LDB2: variants seen among roughly 807,000 people sequenced by gnomAD.
LDB2 encodes the protein LIM domain binding 2.
A neutral mutation model predicts 44.3 loss-of-function variants in LDB2; 12 were observed. That is an observed-to-expected ratio of 0.27 (90% confidence interval 0.17 to 0.44). The LOEUF (loss-of-function observed/expected upper bound fraction) is 0.44. LDB2 is among the 20% of genes least tolerant of loss of function. The pLI is 1.00. For missense variants in LDB2, 344 were observed against 473.5 expected, an observed-to-expected ratio of 0.73 and a Z score of 2.54; for synonymous variants, 164 against 174.8, an observed-to-expected ratio of 0.94 and a Z score of 0.49.
chr4:16,638,419 A>C (rs775797590), intron 2 of LDB2, among the ~76,000 whole-genome samples: 2 of 152,174 alleles, frequency 1.3e-5, no homozygotes, highest in African/African-American at 4.8e-5. Context: ...TGAACGTACG[A>C]ATAGAGCTTA....
At chr4:16,659,932 CA>C (rs1394512635) in intron 2 of LDB2, among the ~76,000 whole-genome samples, 2 of 151,950 alleles carry the variant, frequency 1.3e-5, no homozygotes, top group Non-Finnish European at 2.9e-5. Context: ...AGAGTGCTAC[CA>C]AAACACAATT....
intron 2 of LDB2, among the ~76,000 whole-genome samples, chr4:16,753,584 G>C (rs1202349366): frequency 6.6e-6 from 1 of 152,184 alleles, no homozygotes; most frequent in Non-Finnish European, 1.5e-5. Context: ...CTGAGGAAAA[G>C]AAAAGCACAG....
rs561713945 is a variant in LDB2 at position 16,749,092 on chromosome 4, C to A, written c.235+10066G>T. Among the ~76,000 whole-genome samples the A allele has an allele frequency of 6.6e-5, 10 of 152,252 alleles. No homozygotes were observed. The East Asian group carries it at 1.2e-3, about 18-fold the overall frequency. On this transcript the variant is annotated intron_variant, in intron 2 of 7. Transcript: ENST00000304523. Reference sequence around the variant, plus strand: ...CCAGTAAGATGCATTCAATAAGATTCAAGTACCCAGTTAACCATTGCTGAG... The same window carrying A: ...CCAGTAAGATGCATTCAATAAGATTAAAGTACCCAGTTAACCATTGCTGAG...
intron 1 of LDB2, among the ~76,000 whole-genome samples, chr4:16,763,974 A>C (rs1156676940): frequency 6.6e-6 from 1 of 152,188 alleles, no homozygotes; most frequent in Non-Finnish European, 1.5e-5. Context: ...ATTATTATTT[A>C]TCATTATCTC....
chr4:16,638,378 T>C (rs1332697980), intron 2 of LDB2, among the ~76,000 whole-genome samples: 2 of 152,196 alleles, frequency 1.3e-5, no homozygotes, highest in African/African-American at 4.8e-5. Context: ...CAAGGGGGTC[T>C]GGAGAAAACG....
intron 5 of LDB2, among the ~76,000 whole-genome samples, chr4:16,566,523 G>A (rs1401717136): frequency 1.3e-5 from 2 of 151,916 alleles, no homozygotes; most frequent in Non-Finnish European, 1.5e-5. Flanking sequence ...AATTTCAGGT[G>A]GATCAATTAT....
At position 16,713,139 on chromosome 4, in the gene LDB2, G is replaced by T. The variant is rs148749668; in HGVS notation, c.235+46019C>A. ...ATTCATTGAAAATGTCCAAAATAAAGAAAATCTATAGACATAGAAATTACA... is the reference window on the plus strand; with the variant it reads ...ATTCATTGAAAATGTCCAAAATAAATAAAATCTATAGACATAGAAATTACA... On this transcript the variant is annotated intron_variant, in intron 2 of 7. Transcript: ENST00000304523. Among the ~76,000 whole-genome samples the T allele has an allele frequency of 2.5e-3, 386 of 152,230 alleles. 2 individuals carry two copies. The highest frequency in any genetic ancestry group is 8.8e-3 in the African/African-American group (365 of 41,546).
intron 2 of LDB2, among the ~76,000 whole-genome samples, chr4:16,669,308 C>T (rs942244275): frequency 1.3e-5 from 2 of 152,210 alleles, no homozygotes; most frequent in African/African-American, 4.8e-5. Context: ...TCTGCCTGCA[C>T]TAGCCTCCTG....
At chr4:16,719,980 A>G (rs986052122) in intron 2 of LDB2, among the ~76,000 whole-genome samples, 2 of 152,136 alleles carry the variant, frequency 1.3e-5, no homozygotes, top group East Asian at 3.9e-4. Flanking sequence ...AAGTAAAATC[A>G]AAGCTAATTT....
At chr4:16,549,979 T>C (rs563438958) in intron 5 of LDB2, among the ~76,000 whole-genome samples, 137 of 152,332 alleles carry the variant, frequency 9.0e-4, no homozygotes, top group African/African-American at 3.2e-3. Flanking sequence ...GTTAGATGTG[T>C]CCTTCTGAGC....
chr4:16,653,962 T>C (rs1260791481), intron 2 of LDB2: 3 of 152,192 alleles, frequency 2.0e-5, no homozygotes, highest in African/African-American at 7.2e-5. Flanking sequence ...AAACCTCACA[T>C]TAAAAAATCT....
chr4:16,726,483 G>T (rs1759490473), intron 2 of LDB2: 1 of 150,270 alleles, frequency 6.7e-6, no homozygotes, highest in Non-Finnish European at 1.5e-5. Context: ...AGGAGGCAAG[G>T]AATATGAGAA....
chr4:16,774,807 C>A (rs1298042867), intron 1 of LDB2, among the ~76,000 whole-genome samples: 1 of 152,056 alleles, frequency 6.6e-6, no homozygotes, highest in Non-Finnish European at 1.5e-5. Flanking sequence ...TGGGAAAATA[C>A]CTAGTAATAA....
chr4:16,536,945 G>A (rs561784461), intron 5 of LDB2, among the ~76,000 whole-genome samples: 62 of 152,304 alleles, frequency 4.1e-4, no homozygotes, highest in African/African-American at 1.4e-3. Flanking sequence ...ATGAAGTGCT[G>A]GGCCCACTCC....
At chr4:16,755,643 G>A (rs1342227595) in intron 2 of LDB2, among the ~76,000 whole-genome samples, 1 of 152,010 alleles carries the variant, frequency 6.6e-6, no homozygotes, top group Non-Finnish European at 1.5e-5. Context: ...TCTGGACCAA[G>A]TTTCCATTTT....
At chr4:16,751,543 C>CT (rs1765500798) in intron 2 of LDB2, among the ~76,000 whole-genome samples, 1 of 152,196 alleles carries the variant, frequency 6.6e-6, no homozygotes, top group South Asian at 2.1e-4. Flanking sequence ...GTCAGTTCAT[C>CT]TATCAATTGC....
chr4:16,805,518 G>A (rs890055876), intron 1 of LDB2, among the ~76,000 whole-genome samples: 9 of 152,308 alleles, frequency 5.9e-5, no homozygotes, highest in Middle Eastern at 3.4e-3. Context: ...GGAGAACAAT[G>A]CACAGGCTCA....
chr4:16,749,568 A>T (rs1414965523), intron 2 of LDB2, among the ~76,000 whole-genome samples: 6 of 137,006 alleles, frequency 4.4e-5, no homozygotes, highest in East Asian at 2.3e-4. Context: ...CAAAAAAAAA[A>T]AAAATAAAAA....
intron 1 of LDB2, among the ~76,000 whole-genome samples, chr4:16,888,988 T>G (rs1174156857): frequency 6.6e-6 from 1 of 151,920 alleles, no homozygotes; most frequent in African/African-American, 2.4e-5. Context: ...AAAAAACTAT[T>G]GGTGAAAAAA....
Sources: allele counts gnomAD v4.1 joint callset (sites outside exome capture counted in the v4.1 genomes callset), GRCh38; gene constraint gnomAD v4.1.1; transcripts MANE v1.5; gene names NCBI Gene and HGNC (gene_info 2026-07-23, HGNC 2026-07-21).